CLSTN2: variants seen among roughly 807,000 people sequenced by gnomAD.
CLSTN2 encodes calsyntenin-2.
In CLSTN2, 48 loss-of-function variants were observed where a neutral mutation model predicts 101.2. The observed-to-expected ratio is 0.47, with a 90% CI of 0.38 to 0.60. The LOEUF is 0.60. Ranked by LOEUF, CLSTN2 falls within the 20% of genes least tolerant of loss-of-function variation. The pLI is 0.00. For missense variants in CLSTN2, 1,160 were observed against 1,238.2 expected, an observed-to-expected ratio of 0.94 and a Z score of 0.95; for synonymous variants, 481 against 463.6, an observed-to-expected ratio of 1.04 and a Z score of -0.48.
chr3:140,337,005 T>C (rs941549101), intron 2 of CLSTN2, among the ~76,000 whole-genome samples: 1 of 152,142 alleles, frequency 6.6e-6, no homozygotes, highest in Non-Finnish European at 1.5e-5. Context: ...TCTCCATCAG[T>C]AGCAATTCTT....
At chr3:140,434,342 G>T (rs1196107582) in intron 5 of CLSTN2, among the ~76,000 whole-genome samples, 1 of 152,164 alleles carries the variant, frequency 6.6e-6, no homozygotes, top group African/African-American at 2.4e-5. Flanking sequence ...TAACCATGCA[G>T]AGGGACAGTG....
chr3:140,121,595 G>A (rs1273079030), intron 1 of CLSTN2, among the ~76,000 whole-genome samples: 1 of 152,180 alleles, frequency 6.6e-6, no homozygotes, highest in Non-Finnish European at 1.5e-5. Flanking sequence ...AAGCTAAGGT[G>A]GACCTCAAGT....
chr3:140,517,382 T>G (rs1263369244), intron 8 of CLSTN2, among the ~76,000 whole-genome samples: 1 of 152,170 alleles, frequency 6.6e-6, no homozygotes, highest in African/African-American at 2.4e-5. Flanking sequence ...TTTGGGGGTG[T>G]TAAAGAACCT....
Position 140,126,667 on chromosome 3 carries a change from C to T in CLSTN2, c.110-49284C>T, listed in dbSNP as rs1221153458. 3.3e-5 allele frequency among the ~76,000 whole-genome samples: 5 copies of T among 152,298 alleles called. No homozygotes were observed. In the East Asian group the frequency reaches 9.7e-4, roughly 29 times the overall value. On this transcript the variant is annotated intron_variant, in intron 1 of 16. Transcript: ENST00000458420. The stretch of plus-strand genomic sequence containing the variant: ...GTAGTATGGTCTCTATCACTTGCTT[C>T]TCCCATTTTTGCCAATATTTTCCTA...
At chr3:140,040,413 G>C (rs2007738924) in intron 1 of CLSTN2, among the ~76,000 whole-genome samples, 2 of 152,134 alleles carry the variant, frequency 1.3e-5, no homozygotes, top group Admixed American at 1.3e-4. Context: ...GTTAGATATA[G>C]TCAAATTACT....
chr3:140,465,111 A>G (rs59036242), intron 7 of CLSTN2, among the ~76,000 whole-genome samples: 4,588 of 152,304 alleles, frequency 0.03, 233 homozygotes, highest in African/African-American at 0.1. Flanking sequence ...CCAAACTGAT[A>G]TCAGATAACC....
chr3:140,245,508 G>A (rs1160404766), intron 2 of CLSTN2, among the ~76,000 whole-genome samples: 1 of 152,152 alleles, frequency 6.6e-6, no homozygotes, highest in African/African-American at 2.4e-5. Flanking sequence ...AAAAAGGAGT[G>A]TGCAATCCTT....
intron 1 of CLSTN2, among the ~76,000 whole-genome samples, chr3:140,087,321 G>A (rs1189347237): frequency 1.3e-5 from 2 of 152,178 alleles, no homozygotes; most frequent in Admixed American, 1.3e-4. Context: ...TATACATCGA[G>A]GATCAGGCAA....
intron 1 of CLSTN2, among the ~76,000 whole-genome samples, chr3:140,024,330 A>G (rs968770631): frequency 2.6e-5 from 4 of 152,092 alleles, no homozygotes; most frequent in Non-Finnish European, 4.4e-5. Flanking sequence ...CTTTTCTTGT[A>G]TCTGTTCCTC....
intron 2 of CLSTN2, among the ~76,000 whole-genome samples, chr3:140,386,261 C>T (rs1314167869): frequency 6.6e-6 from 1 of 152,184 alleles, no homozygotes; most frequent in Non-Finnish European, 1.5e-5. Context: ...AGAAATGCTG[C>T]CGCTGGTACT....
At chr3:140,173,029 TC>T (rs745558215) in intron 1 of CLSTN2, among the ~76,000 whole-genome samples, 44 of 152,038 alleles carry the variant, frequency 2.9e-4, no homozygotes, top group Admixed American at 7.9e-4. Context: ...TTCCCAACAG[TC>T]CCCCAAAGTC....
At chr3:139,958,488 T>C (rs73867246) in intron 1 of CLSTN2, among the ~76,000 whole-genome samples, 2,328 of 152,308 alleles carry the variant, frequency 0.015, 49 homozygotes, top group African/African-American at 0.052. Context: ...AAATCCATTA[T>C]AGAATTTGGT....
At chr3:140,049,189 G>A (rs2007940491) in intron 1 of CLSTN2, among the ~76,000 whole-genome samples, 1 of 152,230 alleles carries the variant, frequency 6.6e-6, no homozygotes, top group South Asian at 2.1e-4. Flanking sequence ...CAGCTCTGGA[G>A]TGGAATAAAT....
At chr3:140,312,057 C>T (rs2087174200) in intron 2 of CLSTN2, among the ~76,000 whole-genome samples, 1 of 152,204 alleles carries the variant, frequency 6.6e-6, no homozygotes, top group Admixed American at 6.5e-5. Context: ...GAGTGCTTTC[C>T]CTTTCTCCCA....
rs180904453 is a variant in CLSTN2 at position 140,063,976 on chromosome 3, A to G, written c.110-111975A>G. Among the ~76,000 whole-genome samples the G allele has an allele frequency of 3.0e-3, 461 of 152,296 alleles. 3 individuals carry two copies. Among genetic ancestry groups the G allele is most frequent in the Admixed American group, 7.6e-3 (117 of 15,302 alleles). On this transcript the variant is annotated intron_variant, in intron 1 of 16. Coordinates refer to ENST00000458420, the MANE Select transcript of CLSTN2 (RefSeq NM_022131.3). Reference sequence around the variant, plus strand: ...AGCTGGAGTGCTTGTGTTCAATCCCAGAAGCCCCTGCCAGGGCCTTTGCTT... The same window carrying G: ...AGCTGGAGTGCTTGTGTTCAATCCCGGAAGCCCCTGCCAGGGCCTTTGCTT...
intron 1 of CLSTN2, among the ~76,000 whole-genome samples, chr3:140,158,750 A>G (rs2009998455): frequency 6.6e-6 from 1 of 152,150 alleles, no homozygotes; most frequent in East Asian, 1.9e-4. Context: ...AAAAGAATAA[A>G]AAGTGTCACA....
intron 9 of CLSTN2, among the ~76,000 whole-genome samples, chr3:140,537,478 A>C (rs1174230033): frequency 6.6e-6 from 1 of 151,922 alleles, no homozygotes; most frequent in Non-Finnish European, 1.5e-5. Flanking sequence ...AGGCCTGTGC[A>C]GTCGGGATGA....
At chr3:140,456,529 G>C (rs980774713) in intron 6 of CLSTN2, among the ~76,000 whole-genome samples, 1 of 152,164 alleles carries the variant, frequency 6.6e-6, no homozygotes, top group African/African-American at 2.4e-5. Context: ...CGTAGTGCTC[G>C]TAATCCCAGC....
intron 2 of CLSTN2, among the ~76,000 whole-genome samples, chr3:140,306,788 C>G (rs1023263925): frequency 2.6e-5 from 4 of 151,926 alleles, no homozygotes; most frequent in African/African-American, 9.7e-5. Context: ...TTCTACTTAC[C>G]AAAGGCAGTT....
Sources: gnomAD v4.1 joint callset for allele counts (sites outside exome capture counted in the v4.1 genomes callset) on GRCh38, gnomAD v4.1.1 for gene constraint, MANE v1.5 for transcripts, NCBI Gene and HGNC (gene_info 2026-07-23, HGNC 2026-07-21) for gene names.